Variants in FNBP1 observed in about 807,000 individuals in gnomAD.
The protein encoded by FNBP1 is formin-binding protein 1.
A neutral mutation model predicts 90.6 loss-of-function variants in FNBP1; 26 were observed. The ratio of observed to expected loss-of-function variants is 0.29; its 90% CI spans 0.21 to 0.40. The LOEUF is 0.40. Among genes scored for constraint, FNBP1 ranks in the 10% least tolerant of loss-of-function variants. The pLI, the probability that FNBP1 is intolerant of heterozygous loss-of-function variation, is 1.00. For synonymous variants in FNBP1, 260 were observed against 265.2 expected, an observed-to-expected ratio of 0.98 and a Z score of 0.19; for missense variants, 635 against 768.0, an observed-to-expected ratio of 0.83 and a Z score of 2.05.
At chr9:129,978,634 A>G (rs1564487074) in intron 3 of FNBP1, 22 bp from the exon 4 acceptor site, 4 of 1,605,118 alleles carry the variant, frequency 2.5e-6, no homozygotes, top group Non-Finnish European at 2.6e-6. Flanking sequence ...AACACACGCC[A>G]CTCTGTTTCA....
chr9:129,969,826 C>A (rs958324530), intron 4 of FNBP1, among the ~76,000 whole-genome samples: 4 of 147,516 alleles, frequency 2.7e-5, no homozygotes, highest in African/African-American at 5.0e-5. Flanking sequence ...AAAATGCTTA[C>A]AATATTAAAT....
rs565242708 is a variant in FNBP1, at chr9:129,973,988, T to C, written c.345+4477A>G. Among the ~76,000 whole-genome samples the C allele has an allele frequency of 3.9e-5, 6 of 152,032 alleles. No homozygotes were observed. In the South Asian group the frequency reaches 8.3e-4, roughly 21 times the overall value. ...ATCATGCCCAGCTAATTTTTTAAAA[T>C]GTATTTTATATTTTTAGTAGAGAAG... On this transcript the variant is annotated intron_variant, in intron 4 of 16. Transcript: ENST00000446176.
intron 6 of FNBP1, among the ~76,000 whole-genome samples, chr9:129,931,626 T>TAAAAAATA (rs2042760207): frequency 6.7e-6 from 1 of 149,838 alleles, no homozygotes; most frequent in Non-Finnish European, 1.5e-5. Context: ...AATAATAAAA[T>TAAAAAATA]AATAAATAAA....
At chr9:129,909,146 C>T (rs1213388941) in intron 11 of FNBP1, 147 bp from the exon 12 acceptor site, 6 of 678,018 alleles carry the variant, frequency 8.8e-6, no homozygotes, top group African/African-American at 5.4e-5. Flanking sequence ...TACACCCAGC[C>T]GAGATGCAAA....
chr9:129,965,422 G>A (rs980217727), intron 4 of FNBP1, among the ~76,000 whole-genome samples: 3 of 152,154 alleles, frequency 2.0e-5, no homozygotes, highest in African/African-American at 7.2e-5. Flanking sequence ...GCCAGGGTCA[G>A]GCCTAAGCAG....
At chr9:130,021,214 A>T (rs1326187776) in intron 1 of FNBP1, among the ~76,000 whole-genome samples, 1 of 152,174 alleles carries the variant, frequency 6.6e-6, no homozygotes, top group African/African-American at 2.4e-5. Context: ...GCCATTTCTT[A>T]TCTATTTTTT....
At position 129,994,844 on chromosome 9, in the gene FNBP1, T is replaced by A; in HGVS notation, c.139A>T (p.Arg47Trp). The change falls in exon 2 of 17, where the codon AGG (arginine) becomes TGG (tryptophan). Residue 47 changes from arginine (R) to tryptophan (W), a missense_variant and splice_region_variant. By Grantham distance (101) the Arg-to-Trp change is moderately radical. Coordinates refer to ENST00000446176, the MANE Select transcript of FNBP1 (RefSeq NM_015033.3). ...TAACCTTTTTCAATATCAACTTACC[T>A]GAGTTGCTTTGCATAGCTGAGTTCA... ...EIELSYAKQL[R>W]NLSKKYQPKK... is the part of the protein sequence containing the mutation. The A allele has an allele frequency of 6.7e-7, 1 of 1,489,482 alleles. No homozygotes were observed. Among genetic ancestry groups the A allele is most frequent in the Non-Finnish European group, 9.3e-7 (1 of 1,074,118 alleles). 92.3% of individuals were successfully genotyped at this position (1,489,482 alleles called of 1,614,324 possible). A position where few individuals can be genotyped will look rare whatever the true frequency, so the allele number is the denominator to read the frequency against.
intron 12 of FNBP1, 42 bp from the exon 13 acceptor site, chr9:129,903,043 T>TA (rs1380370473): frequency 8.1e-7 from 1 of 1,227,982 alleles, no homozygotes; most frequent in African/African-American, 1.6e-5. Flanking sequence ...GGTTACTCCA[T>TA]TTTTTTTTTA....
At chr9:129,995,630 C>G (rs548333239) in intron 1 of FNBP1, among the ~76,000 whole-genome samples, 2 of 152,258 alleles carry the variant, frequency 1.3e-5, no homozygotes, top group East Asian at 3.9e-4. Context: ...TGGTGTTGTA[C>G]CACTGCACTC....
intron 4 of FNBP1, among the ~76,000 whole-genome samples, chr9:129,971,258 A>C (rs1047687067): frequency 7.9e-5 from 12 of 152,096 alleles, no homozygotes; most frequent in African/African-American, 2.2e-4. Flanking sequence ...TCATCAGGAA[A>C]AACAATGGAT....
At chr9:129,927,838 G>T (rs1259447046) in intron 7 of FNBP1, among the ~76,000 whole-genome samples, 1 of 148,310 alleles carries the variant, frequency 6.7e-6, no homozygotes, top group African/African-American at 2.5e-5. Context: ...TGGCCAGGCT[G>T]GTCTCCAACT....
At chr9:129,948,441 T>G (rs2045677845) in intron 6 of FNBP1, among the ~76,000 whole-genome samples, 1 of 130,808 alleles carries the variant, frequency 7.6e-6, no homozygotes, top group East Asian at 2.6e-4. Context: ...CTCGGCTCAC[T>G]GCAACCTCCC....
At chr9:130,021,735 G>A (rs1304456676) in intron 1 of FNBP1, among the ~76,000 whole-genome samples, 3 of 152,034 alleles carry the variant, frequency 2.0e-5, no homozygotes, top group Non-Finnish European at 4.4e-5. Context: ...TATAGATCCC[G>A]CTGAACCGTT....
intron 11 of FNBP1, among the ~76,000 whole-genome samples, chr9:129,914,755 GTCTA>G (rs1282134204): frequency 0.015 from 1,521 of 98,408 alleles, 107 homozygotes; most frequent in Middle Eastern, 0.024. Flanking sequence ...ACATACATAT[GTCTA>G]TATATATATA....
intron 2 of FNBP1, among the ~76,000 whole-genome samples, chr9:129,986,126 A>G (rs183216452): frequency 6.6e-6 from 1 of 152,132 alleles, no homozygotes; most frequent in East Asian, 1.9e-4. Context: ...ACAGAGTGAG[A>G]CTTTGTCTTA....
chr9:129,961,221 G>A (rs2047761567), intron 4 of FNBP1, among the ~76,000 whole-genome samples: 1 of 152,086 alleles, frequency 6.6e-6, no homozygotes, highest in African/African-American at 2.4e-5. Context: ...GCTGAGGCAG[G>A]AGAATCACTT....
intron 10 of FNBP1, among the ~76,000 whole-genome samples, chr9:129,918,449 C>T (rs1352268732): frequency 6.6e-6 from 1 of 152,198 alleles, no homozygotes; most frequent in Non-Finnish European, 1.5e-5. Flanking sequence ...TTTCAGGCGA[C>T]AGTTAAAGAG....
At chr9:129,902,369 G>A (rs760947503) in intron 13 of FNBP1, among the ~76,000 whole-genome samples, 1 of 152,120 alleles carries the variant, frequency 6.6e-6, no homozygotes, top group Non-Finnish European at 1.5e-5. Context: ...AGGCCAAGGT[G>A]GGAGGATGGC....
chr9:129,941,850 C>T (rs1439336004), intron 6 of FNBP1, among the ~76,000 whole-genome samples: 2 of 152,146 alleles, frequency 1.3e-5, no homozygotes, highest in African/African-American at 4.8e-5. Context: ...GCAGGTGGAT[C>T]ACATGAGGTC....
Sources: gnomAD v4.1 joint callset for allele counts (sites outside exome capture counted in the v4.1 genomes callset) on GRCh38, gnomAD v4.1.1 for gene constraint, MANE v1.5 for transcripts, NCBI Gene and HGNC (gene_info 2026-07-23, HGNC 2026-07-21) for gene names.